ADARB2: variants seen among roughly 807,000 people sequenced by gnomAD.
The protein encoded by ADARB2 is inactive double-stranded RNA-specific editase B2.
A neutral mutation model predicts 62.2 loss-of-function variants in ADARB2; 25 were observed. The ratio of observed to expected loss-of-function variants is 0.40; its 90% CI spans 0.29 to 0.56. ADARB2 has a LOEUF of 0.56. Ranked by LOEUF, ADARB2 falls within the 20% of genes least tolerant of loss-of-function variation. ADARB2 has a pLI of 0.43. For synonymous variants in ADARB2, 572 were observed against 500.8 expected, an observed-to-expected ratio of 1.14 and a Z score of -1.90; for missense variants, 1,071 against 1,077.4, an observed-to-expected ratio of 0.99 and a Z score of 0.08.
chr10:1,665,540 G>A (rs1009282302), intron 1 of ADARB2, among the ~76,000 whole-genome samples: 1 of 152,250 alleles, frequency 6.6e-6, no homozygotes, highest in Non-Finnish European at 1.5e-5. Context: ...CCACCCAGGC[G>A]GTGCATAGAC....
intron 1 of ADARB2, among the ~76,000 whole-genome samples, chr10:1,566,976 A>AT: frequency 6.6e-6 from 1 of 152,330 alleles, no homozygotes; most frequent in South Asian, 2.1e-4. Flanking sequence ...AGGAAAGAAA[A>AT]TAAAAACCCT....
intron 1 of ADARB2, among the ~76,000 whole-genome samples, chr10:1,446,288 G>A (rs763311764): frequency 3.2e-4 from 44 of 138,736 alleles, no homozygotes; most frequent in Non-Finnish European, 4.8e-4. Flanking sequence ...GTGAAGATGG[G>A]AAAGAATTCT....
At chr10:1,506,800 A>T (rs1410334392) in intron 1 of ADARB2, among the ~76,000 whole-genome samples, 1 of 152,162 alleles carries the variant, frequency 6.6e-6, no homozygotes, top group African/African-American at 2.4e-5. Context: ...TAGGAGGTGG[A>T]GTCTTTGGGA....
At chr10:1,619,864 A>G (rs982037497) in intron 1 of ADARB2, among the ~76,000 whole-genome samples, 1 of 152,230 alleles carries the variant, frequency 6.6e-6, no homozygotes, top group Admixed American at 6.5e-5. Flanking sequence ...TTTGACCACA[A>G]TGAAAGTAAA....
chr10:1,606,654 C>T (rs1833497666), intron 1 of ADARB2, among the ~76,000 whole-genome samples: 1 of 152,102 alleles, frequency 6.6e-6, no homozygotes, highest in South Asian at 2.1e-4. Context: ...GAAGTTCTTT[C>T]TCTAAGCAAG....
At position 1,704,022 on chromosome 10, in the gene ADARB2, A is replaced by G. The variant is rs867856257; in HGVS notation, c.100+33029T>C. Among the ~76,000 whole-genome samples the G allele has an allele frequency of 2.0e-5, 3 of 152,194 alleles. No individual in the cohort carries two copies. The highest frequency in any genetic ancestry group is 7.2e-5 in the African/African-American group (3 of 41,420). ...TACATTAGCTATCTATTGCTTTGTG[A>G]CAAGTTACCTCAAGAGTTAGTATCT... On this transcript the variant is annotated intron_variant, in intron 1 of 9. Coordinates refer to ENST00000381312, the MANE Select transcript of ADARB2 (RefSeq NM_018702.4). This position sits in a 1 kb window ranked among gnomAD's most constrained non-coding sequence, Gnocchi z 5.6.
At chr10:1,420,221 G>A (rs556726024) in intron 1 of ADARB2, among the ~76,000 whole-genome samples, 3 of 152,318 alleles carry the variant, frequency 2.0e-5, no homozygotes, top group African/African-American at 2.4e-5. Context: ...AGCTCATGCC[G>A]TTTCTTTGTT....
chr10:1,547,572 G>T (rs1273519418), intron 1 of ADARB2, among the ~76,000 whole-genome samples: 1 of 111,112 alleles, frequency 9.0e-6, no homozygotes. Flanking sequence ...ACTGTGGGGA[G>T]GGGGAGAGAG....
intron 4 of ADARB2, among the ~76,000 whole-genome samples, chr10:1,268,997 G>A (rs1250920080): frequency 6.6e-6 from 1 of 152,256 alleles, no homozygotes; most frequent in African/African-American, 2.4e-5. Context: ...GAGTTCCAGC[G>A]CTGAGAAATG....
Position 1,263,469 on chromosome 10 carries a change from T to C in ADARB2, c.1192+7486A>G, listed in dbSNP as rs182801623. 1.9e-4 allele frequency among the ~76,000 whole-genome samples: 29 copies of C among 152,028 alleles called. No homozygotes were observed. The East Asian group carries it at 4.8e-3, about 25-fold the overall frequency. ...GTCAAAGAGACCAGAATAAAATGAGTTTAGTTGTGTTGCTTTGAGATATAA... is the reference window on the plus strand; with the variant it reads ...GTCAAAGAGACCAGAATAAAATGAGCTTAGTTGTGTTGCTTTGAGATATAA... On this transcript the variant is annotated intron_variant, in intron 4 of 9. Transcript: ENST00000381312.
intron 1 of ADARB2, among the ~76,000 whole-genome samples, chr10:1,673,422 G>A (rs553734273): frequency 2.0e-5 from 3 of 151,534 alleles, no homozygotes; most frequent in Admixed American, 1.3e-4. Context: ...CTAAATGAAC[G>A]TTCATAATTT....
chr10:1,577,336 G>A (rs112006345), intron 1 of ADARB2, among the ~76,000 whole-genome samples: 148 of 146,396 alleles, frequency 1.0e-3, no homozygotes, highest in South Asian at 1.8e-3. Context: ...TCCAGAAGCT[G>A]CAGTGATACC....
chr10:1,672,562 T>TC (rs1232594202), intron 1 of ADARB2, among the ~76,000 whole-genome samples: 2 of 151,738 alleles, frequency 1.3e-5, no homozygotes, highest in African/African-American at 4.8e-5. Context: ...AGCTCCTGCC[T>TC]CCCCCCATGC....
intron 1 of ADARB2, among the ~76,000 whole-genome samples, chr10:1,735,922 GTC>G (rs1480223496): frequency 6.6e-6 from 1 of 152,174 alleles, no homozygotes; most frequent in Non-Finnish European, 1.5e-5. Context: ...ACAGGAAACG[GTC>G]TGGTAGAAAC....
At position 1,363,511 on chromosome 10, in the gene ADARB2, C is replaced by T. The variant is rs764835387; in HGVS notation, c.594G>A (p.Ala198=). The change falls in exon 3 of 10, where the codon GCG becomes GCA. Residue 198 remains alanine (A), a synonymous_variant. Coordinates refer to ENST00000381312, the MANE Select transcript of ADARB2 (RefSeq NM_018702.4). The part of the protein sequence containing the change: ...SFVQFPNACQ[A]HLAMGGGPGP... Reference sequence around the variant, plus strand: ...CCGGGCCCCCGCCCATGGCCAGGTGCGCCTGGCAGGCGTTGGGGAACTGCA... The same window carrying T: ...CCGGGCCCCCGCCCATGGCCAGGTGTGCCTGGCAGGCGTTGGGGAACTGCA... 5.2e-6 allele frequency: 8 copies of T among 1,531,190 alleles called. No homozygotes were observed. In the South Asian group the frequency reaches 8.8e-5, roughly 17 times the overall value. The allele number at this position is 1,531,190 out of a possible 1,614,324, so 94.9% of individuals were successfully genotyped here.
intron 1 of ADARB2, among the ~76,000 whole-genome samples, chr10:1,446,732 C>T (rs1365556938): frequency 1.3e-5 from 2 of 152,310 alleles, no homozygotes; most frequent in East Asian, 1.9e-4. Flanking sequence ...GTTCTCGTGA[C>T]AGTTAAAACG....
At position 1,673,954 on chromosome 10, in the gene ADARB2, A is replaced by G. The variant is rs577116799; in HGVS notation, c.100+63097T>C. Among the ~76,000 whole-genome samples the G allele has an allele frequency of 3.3e-5, 5 of 150,940 alleles. No homozygotes were observed. In the South Asian group the frequency reaches 8.3e-4, roughly 25 times the overall value. On this transcript the variant is annotated intron_variant, in intron 1 of 9. Transcript: ENST00000381312. ...ATATTAAAGAAAGGTTATTGGGCAG[A>G]TGTTAGAACAGCCAACATAAATGTG...
intron 4 of ADARB2, among the ~76,000 whole-genome samples, chr10:1,262,788 C>T (rs1831154626): frequency 6.6e-6 from 1 of 152,116 alleles, no homozygotes; most frequent in South Asian, 2.1e-4. Context: ...TGGGTATATA[C>T]CCAAAGGATT....
intron 2 of ADARB2, among the ~76,000 whole-genome samples, chr10:1,377,276 GGT>G (rs1212064844): frequency 2.9e-5 from 4 of 140,284 alleles, no homozygotes; most frequent in Non-Finnish European, 1.5e-5. Context: ...GTGCCCCTGG[GGT>G]GTGTGTATGT....
Sources: allele counts gnomAD v4.1 joint callset (sites outside exome capture counted in the v4.1 genomes callset), GRCh38; gene constraint gnomAD v4.1.1; non-coding constraint Gnocchi (gnomAD v3.1); transcripts MANE v1.5; gene names NCBI Gene and HGNC (gene_info 2026-07-23, HGNC 2026-07-21).